Variants in PBX3 observed in about 807,000 individuals in gnomAD.
PBX3 encodes the protein pre-B-cell leukemia transcription factor 3.
A neutral mutation model predicts 48.5 loss-of-function variants in PBX3; 14 were observed. The observed-to-expected ratio is 0.29, with a 90% CI of 0.19 to 0.45. The LOEUF (loss-of-function observed/expected upper bound fraction) is 0.45, where lower values mean the gene tolerates loss of function less well. Among genes scored for constraint, PBX3 ranks in the 20% least tolerant of loss-of-function variants. The probability of loss-of-function intolerance (pLI) is 1.00; values close to 1 mark genes in which losing one functional copy is unlikely to be tolerated. For synonymous variants in PBX3, 210 were observed against 200.3 expected (o/e 1.05, Z -0.41); for missense variants, 386 against 546.7 (o/e 0.71, Z 2.93).
chr9:125,842,568 G>A (rs1275331405), intron 2 of PBX3, among the ~76,000 whole-genome samples: 1 of 152,064 alleles, frequency 6.6e-6, no homozygotes, highest in African/African-American at 2.4e-5. Context: ...TAGCTTAATG[G>A]CATTCATTAG....
chr9:125,804,517 A>G (rs1838060982), intron 2 of PBX3, among the ~76,000 whole-genome samples: 2 of 152,170 alleles, frequency 1.3e-5, no homozygotes, highest in South Asian at 4.1e-4. Flanking sequence ...TTGTCCAGCA[A>G]CCCATTTCAT....
intron 2 of PBX3, among the ~76,000 whole-genome samples, chr9:125,780,068 C>T (rs1273891590): frequency 8.4e-6 from 1 of 118,896 alleles, no homozygotes; most frequent in Non-Finnish European, 1.7e-5. Flanking sequence ...AGGGGGCTGA[C>T]CCCCCCACCT....
intron 2 of PBX3, among the ~76,000 whole-genome samples, chr9:125,883,545 A>T (rs1300307384): frequency 2.0e-5 from 3 of 152,190 alleles, no homozygotes; most frequent in African/African-American, 7.2e-5. Context: ...CAAGGACAGA[A>T]ATTGTGAATT....
intron 2 of PBX3, among the ~76,000 whole-genome samples, chr9:125,788,925 C>T (rs1274949062): frequency 6.6e-6 from 1 of 151,540 alleles, no homozygotes; most frequent in African/African-American, 2.4e-5. Flanking sequence ...TCCCATTTCC[C>T]TTCCTTTTTC....
intron 3 of PBX3, among the ~76,000 whole-genome samples, chr9:125,920,948 G>A (rs1269718120): frequency 2.6e-5 from 4 of 152,170 alleles, no homozygotes; most frequent in African/African-American, 7.2e-5. Context: ...AGGTTTGCTG[G>A]CAAAATAGCT....
At chr9:125,748,709 T>C in intron 2 of PBX3, 86 bp downstream of exon 2, 1 of 951,154 alleles carries the variant, frequency 1.1e-6, no homozygotes, top group Non-Finnish European at 1.6e-6. Flanking sequence ...TGAGAGCTGC[T>C]GCTTTTGGGC....
chr9:125,779,754 C>T (rs778276977), intron 2 of PBX3, among the ~76,000 whole-genome samples: 178 of 148,034 alleles, frequency 1.2e-3, no homozygotes, highest in Middle Eastern at 6.9e-3. Flanking sequence ...CATCCCGGCC[C>T]GTTCTCAATG....
At chr9:125,795,139 G>T (rs1241341328) in intron 2 of PBX3, among the ~76,000 whole-genome samples, 2 of 152,156 alleles carry the variant, frequency 1.3e-5, no homozygotes, top group Admixed American at 6.5e-5. Context: ...TTGCGTCCAT[G>T]CTCCAGAAGC....
Position 125,748,373 on chromosome 9 carries a change from CG to C in PBX3, c.201-173del, listed in dbSNP as rs1836266860. 3.0e-6 allele frequency: 4 copies of C among 1,331,950 alleles called. No individual in the cohort carries two copies. The East Asian group carries it at 1.2e-4, about 39-fold the overall frequency. The allele number at this position is 1,331,950 out of a possible 1,614,324, so 82.5% of individuals were successfully genotyped here. A position where few individuals can be genotyped will look rare whatever the true frequency, so the allele number is the denominator to read the frequency against. ...TTGTTCCGGCTGCAGCTTTCGCCGC[CG>C]GGGCTTGCTGGCTGTCGGGAACTAG... On this transcript the variant is annotated intron_variant, in intron 1 of 8. Coordinates refer to ENST00000373489, the MANE Select transcript of PBX3 (RefSeq NM_006195.6).
intron 2 of PBX3, among the ~76,000 whole-genome samples, chr9:125,842,896 T>C (rs898548043): frequency 1.1e-4 from 16 of 152,290 alleles, no homozygotes; most frequent in Non-Finnish European, 8.8e-5. Context: ...AATTCAAATC[T>C]TCATCTTTAG....
chr9:125,960,599 T>C, intron 5 of PBX3, 85 bp from the exon 6 acceptor site: 2 of 1,177,404 alleles, frequency 1.7e-6, no homozygotes, highest in Admixed American at 1.8e-5. Context: ...TCCCAAGGTA[T>C]TGCCTTGGTG....
At chr9:125,880,511 A>C (rs1840357846) in intron 2 of PBX3, among the ~76,000 whole-genome samples, 1 of 152,226 alleles carries the variant, frequency 6.6e-6, no homozygotes, top group African/African-American at 2.4e-5. Context: ...CTGGTGCTGC[A>C]AATAGCAGTG....
At chr9:125,780,073 C>G (rs1387754309) in intron 2 of PBX3, among the ~76,000 whole-genome samples, 8 of 134,476 alleles carry the variant, frequency 5.9e-5, no homozygotes, top group Non-Finnish European at 9.6e-5. Context: ...GCTGACCCCC[C>G]CACCTCCCTC....
intron 2 of PBX3, among the ~76,000 whole-genome samples, chr9:125,829,006 T>C (rs976429590): frequency 1.3e-5 from 2 of 152,144 alleles, no homozygotes; most frequent in African/African-American, 2.4e-5. Flanking sequence ...GGTTTTTTGA[T>C]TGGAGCTGGG....
At chr9:125,778,605 C>CTTT (rs138965100) in intron 2 of PBX3, among the ~76,000 whole-genome samples, 3,557 of 132,834 alleles carry the variant, frequency 0.027, 152 homozygotes, top group East Asian at 0.14. Flanking sequence ...TTGATCTTTT[C>CTTT]TTTTTTTTTT....
intron 2 of PBX3, among the ~76,000 whole-genome samples, chr9:125,888,256 C>T (rs1052129908): frequency 1.3e-5 from 2 of 152,074 alleles, no homozygotes; most frequent in Non-Finnish European, 2.9e-5. Context: ...ACCTTTTGAT[C>T]GGCATGTCCA....
intron 4 of PBX3, among the ~76,000 whole-genome samples, chr9:125,930,216 A>G (rs3962616): frequency 0.07 from 10,710 of 152,274 alleles, 872 homozygotes; most frequent in African/African-American, 0.18. Flanking sequence ...GTTGTGCATA[A>G]TATGGGAAAA....
chr9:125,900,144 T>C (rs1193613932), intron 2 of PBX3, among the ~76,000 whole-genome samples: 2 of 151,582 alleles, frequency 1.3e-5, no homozygotes, highest in African/African-American at 4.8e-5. Flanking sequence ...TTATTTTGCC[T>C]CTTTATTGTA....
intron 2 of PBX3, among the ~76,000 whole-genome samples, chr9:125,804,965 A>G (rs1248227572): frequency 2.9e-5 from 2 of 67,856 alleles, no homozygotes; most frequent in African/African-American, 7.2e-5. Context: ...AAAAAAAAAA[A>G]AGAAGAAGAA....
Sources: gnomAD v4.1 joint callset for allele counts (sites outside exome capture counted in the v4.1 genomes callset) on GRCh38, gnomAD v4.1.1 for gene constraint, MANE v1.5 for transcripts, NCBI Gene and HGNC (gene_info 2026-07-23, HGNC 2026-07-21) for gene names.